The following C1QTNF2 variants were observed in gnomAD, a reference collection of about 807,000 sequenced individuals.
C1QTNF2 encodes the protein complement C1q tumor necrosis factor-related protein 2.
Under a neutral mutation model 17.4 loss-of-function variants are expected in C1QTNF2, and 15 were observed. The observed-to-expected ratio is 0.86, with a 90% CI of 0.58 to 1.33. The LOEUF (loss-of-function observed/expected upper bound fraction) is 1.33. Among genes scored for constraint, C1QTNF2 ranks in the 40% most tolerant of loss-of-function variants. The probability of loss-of-function intolerance (pLI) is 0.00; values close to 1 mark genes in which losing one functional copy is unlikely to be tolerated. For synonymous variants in C1QTNF2, 154 were observed against 163.3 expected, an observed-to-expected ratio of 0.94 and a Z score of 0.44; for missense variants, 381 against 392.3, an observed-to-expected ratio of 0.97 and a Z score of 0.24.
intron 2 of C1QTNF2, among the ~76,000 whole-genome samples, chr5:160,352,765 T>C (rs1273002471): frequency 6.6e-6 from 1 of 152,216 alleles, no homozygotes; most frequent in Non-Finnish European, 1.5e-5. Flanking sequence ...AAAGCTATGA[T>C]AGTTACTTTT....
At chr5:160,357,052 T>G (rs1764064441) in intron 1 of C1QTNF2, among the ~76,000 whole-genome samples, 1 of 152,198 alleles carries the variant, frequency 6.6e-6, no homozygotes, top group South Asian at 2.1e-4. Context: ...AAGACAGCTT[T>G]AAATGTCTGC....
intron 1 of C1QTNF2, among the ~76,000 whole-genome samples, chr5:160,363,345 A>G (rs1479895775): frequency 6.6e-6 from 1 of 152,206 alleles, no homozygotes; most frequent in Non-Finnish European, 1.5e-5. Context: ...AGATCTCAAG[A>G]TCAGTGTCCT....
At chr5:160,358,873 C>T (rs572711049) in intron 1 of C1QTNF2, among the ~76,000 whole-genome samples, 6 of 152,224 alleles carry the variant, frequency 3.9e-5, no homozygotes, top group South Asian at 4.1e-4. Context: ...CTCCACCTCT[C>T]GGACTCAAGT....
intron 1 of C1QTNF2, among the ~76,000 whole-genome samples, chr5:160,362,161 G>A (rs1764166484): frequency 6.6e-6 from 1 of 152,166 alleles, no homozygotes; most frequent in African/African-American, 2.4e-5. Flanking sequence ...AGGCTATATA[G>A]ACCGATAAGA....
rs141489307 is a variant in C1QTNF2 at position 160,369,991 on chromosome 5, T to C, written c.-10+521A>G. The stretch of plus-strand genomic sequence containing the variant: ...AGTCTGTATCATATATTTAAATAAA[T>C]GTGAAGGTTAAGTGAAATAATGCAT... On this transcript the variant is annotated intron_variant, in intron 1 of 2. Coordinates refer to ENST00000652664, the MANE Select transcript of C1QTNF2 (RefSeq NM_031908.6). Among the ~76,000 whole-genome samples the C allele has an allele frequency of 7.6e-3, 1,164 of 152,314 alleles. 13 individuals carry two copies. The highest frequency in any genetic ancestry group is 0.025 in the African/African-American group (1,052 of 41,562).
intron 1 of C1QTNF2, 182 bp from the exon 2 acceptor site, chr5:160,355,202 A>G (rs1764025894): frequency 6.1e-6 from 6 of 983,754 alleles, no homozygotes; most frequent in Non-Finnish European, 6.0e-6. Context: ...TCTTGAGGAC[A>G]TATTTGGGTG....
intron 1 of C1QTNF2, among the ~76,000 whole-genome samples, chr5:160,364,128 A>G (rs1441590296): frequency 4.6e-5 from 7 of 152,256 alleles, no homozygotes; most frequent in Non-Finnish European, 8.8e-5. Context: ...CATAAAAATT[A>G]TTAATGAGAC....
intron 2 of C1QTNF2, among the ~76,000 whole-genome samples, 170 bp downstream of exon 2, chr5:160,354,592 AAAAAAG>A (rs1311886206): frequency 6.7e-4 from 31 of 46,446 alleles, no homozygotes; most frequent in East Asian, 4.7e-3. Context: ...GGGAAAAAAA[AAAAAAG>A]TATATATATA....
At chr5:160,369,499 G>A (rs1237156130) in intron 1 of C1QTNF2, among the ~76,000 whole-genome samples, 2 of 152,188 alleles carry the variant, frequency 1.3e-5, no homozygotes, top group Admixed American at 1.3e-4. Context: ...AGAGAATGGT[G>A]CAGAGGGAGG....
At chr5:160,359,352 T>C (rs1020582868) in intron 1 of C1QTNF2, among the ~76,000 whole-genome samples, 2 of 152,226 alleles carry the variant, frequency 1.3e-5, no homozygotes, top group African/African-American at 2.4e-5. Flanking sequence ...AATTTACTTA[T>C]GTTTACACAA....
At chr5:160,360,813 TGA>T in intron 1 of C1QTNF2, among the ~76,000 whole-genome samples, 1 of 146,788 alleles carries the variant, frequency 6.8e-6, no homozygotes, top group East Asian at 2.0e-4. Context: ...TTTTTTTTTT[TGA>T]GATGGAGTCT....
intron 1 of C1QTNF2, among the ~76,000 whole-genome samples, chr5:160,358,409 G>A (rs533489194): frequency 6.6e-6 from 1 of 152,190 alleles, no homozygotes; most frequent in Non-Finnish European, 1.5e-5. Context: ...GGTGCTTAGA[G>A]GGGCACTAAA....
rs575472812 is a variant in C1QTNF2, at chr5:160,367,034, A to G, written c.-10+3478T>C. Among the ~76,000 whole-genome samples the G allele has an allele frequency of 1.7e-3, 263 of 151,912 alleles. 1 individual carries two copies. Among genetic ancestry groups the G allele is most frequent in the Middle Eastern group, 0.01 (3 of 294 alleles). On this transcript the variant is annotated intron_variant, in intron 1 of 2. Transcript: ENST00000652664. ...GCAAGACATTGTCAAAAAAAAAAAA[A>G]AAAAAGAAAAAGAATAAACAACGTG...
At chr5:160,351,869 G>T (rs1763930830) in intron 2 of C1QTNF2, among the ~76,000 whole-genome samples, 1 of 149,526 alleles carries the variant, frequency 6.7e-6, no homozygotes, top group Non-Finnish European at 1.5e-5. Flanking sequence ...ATAAACAAAA[G>T]GTGGGAAAAG....
At chr5:160,356,996 C>T (rs1169570302) in intron 1 of C1QTNF2, among the ~76,000 whole-genome samples, 3 of 152,152 alleles carry the variant, frequency 2.0e-5, no homozygotes, top group African/African-American at 7.2e-5. Flanking sequence ...AATCACAGGG[C>T]CCAAAATGGT....
rs1366835649 is a variant in C1QTNF2 at position 160,354,593 on chromosome 5, AAAAAG to A, written c.244+170_244+174del. On this transcript the variant is annotated intron_variant, in intron 2 of 2. Transcript: ENST00000652664. Reference sequence around the variant, plus strand: ...GCCTCTGTCTCAAGGGGAAAAAAAAAAAAAGTATATATATATATATATATATATAT... The same window carrying A: ...GCCTCTGTCTCAAGGGGAAAAAAAAATATATATATATATATATATATATAT... 1.8e-3 allele frequency among the ~76,000 whole-genome samples: 55 copies of A among 30,536 alleles called. 1 individual carries two copies. Among genetic ancestry groups the A allele is most frequent in the African/African-American group, 6.1e-3 (38 of 6,258 alleles). 20.0% of individuals were successfully genotyped at this position (30,536 alleles called of 152,430 possible).
chr5:160,348,922 C>T lies in C1QTNF2; in HGVS notation c.*246G>A, dbSNP rs766088424. The T allele has an allele frequency of 2.7e-5, 13 of 477,576 alleles. No homozygotes were observed. The highest frequency in any genetic ancestry group is 4.4e-5 in the Non-Finnish European group (12 of 273,064). 29.6% of individuals were successfully genotyped at this position (477,576 alleles called of 1,614,324 possible). On this transcript the variant is annotated 3_prime_UTR_variant, in exon 3 of 3. Transcript: ENST00000652664. The stretch of plus-strand genomic sequence containing the variant: ...AGATACTCTGTCTTGTCCACTGCTG[C>T]ATCTTTCAGAGAATAGCATAGTGCC...
chr5:160,351,334 C>T (rs531898676), intron 2 of C1QTNF2, among the ~76,000 whole-genome samples: 56 of 152,288 alleles, frequency 3.7e-4, no homozygotes, highest in African/African-American at 1.2e-3. Flanking sequence ...CTTGAGTTCA[C>T]TCGACACAAG....
At chr5:160,367,036 A>AG (rs1251862765) in intron 1 of C1QTNF2, among the ~76,000 whole-genome samples, 7 of 151,886 alleles carry the variant, frequency 4.6e-5, no homozygotes, top group East Asian at 1.9e-4. Context: ...AAAAAAAAAA[A>AG]AAAGAAAAAG....
Sources: gnomAD v4.1 joint callset for allele counts (sites outside exome capture counted in the v4.1 genomes callset) on GRCh38, gnomAD v4.1.1 for gene constraint, MANE v1.5 for transcripts, NCBI Gene and HGNC (gene_info 2026-07-23, HGNC 2026-07-21) for gene names.